DENND1B: variants seen among roughly 807,000 people sequenced by gnomAD.
DENND1B encodes DENN domain-containing protein 1B.
Under a neutral mutation model 90.1 loss-of-function variants are expected in DENND1B, and 59 were observed. That is an observed-to-expected ratio of 0.65 (90% CI 0.53 to 0.81). The LOEUF is 0.81. DENND1B is among the 40% of genes least tolerant of loss of function. DENND1B has a pLI of 0.00. For synonymous variants in DENND1B, 337 were observed against 324.6 expected, an observed-to-expected ratio of 1.04 and a Z score of -0.41; for missense variants, 862 against 912.6, an observed-to-expected ratio of 0.94 and a Z score of 0.71.
intron 14 of DENND1B, among the ~76,000 whole-genome samples, chr1:197,594,028 A>T (rs527691230): frequency 6.6e-6 from 1 of 152,156 alleles, no homozygotes; most frequent in African/African-American, 2.4e-5. Flanking sequence ...ATAACTATGA[A>T]CAACTTTTTA....
In DENND1B at chr1:197,512,939, C is replaced by T; in HGVS notation, c.1530G>A (p.Arg510=). The part of the protein sequence containing the change: ...KRKLAQARLK[R]PLKSLDGALY... ...GAGCACCATCAAGGCTCTTAAGAGG[C>T]CTTTTTAAGCGTGCCTGGAGAGAGA... Residue 510 remains arginine, a synonymous_variant, in exon 21 of 23, where the codon AGG becomes AGA. Coordinates refer to ENST00000620048, the MANE Select transcript of DENND1B (RefSeq NM_001195215.2). The T allele has an allele frequency of 1.2e-6, 2 of 1,609,534 alleles. No individual in the cohort carries two copies. Among genetic ancestry groups the T allele is most frequent in the Non-Finnish European group, 1.7e-6 (2 of 1,177,532 alleles).
chr1:197,541,131 G>T, intron 18 of DENND1B, 116 bp from the exon 19 acceptor site: 1 of 937,432 alleles, frequency 1.1e-6, no homozygotes, highest in Non-Finnish European at 1.6e-6. Context: ...TTTAGAAAAA[G>T]AACAGATTAT....
At chr1:197,547,354 T>C (rs1156723048) in intron 16 of DENND1B, among the ~76,000 whole-genome samples, 1 of 152,120 alleles carries the variant, frequency 6.6e-6, no homozygotes, top group Non-Finnish European at 1.5e-5. Context: ...CTCTACTCTG[T>C]GGCTGTGGAT....
At chr1:197,646,048 T>A (rs1029005514) in intron 8 of DENND1B, among the ~76,000 whole-genome samples, 3 of 151,868 alleles carry the variant, frequency 2.0e-5, no homozygotes, top group Admixed American at 2.0e-4. Context: ...ATTTTGTACA[T>A]ATATACATAT....
At chr1:197,691,906 T>C (rs768308119) in intron 3 of DENND1B, among the ~76,000 whole-genome samples, 16 of 151,746 alleles carry the variant, frequency 1.1e-4, no homozygotes, top group Non-Finnish European at 1.9e-4. Flanking sequence ...ACATCAAAAA[T>C]AGTCAAACTC....
intron 12 of DENND1B, among the ~76,000 whole-genome samples, chr1:197,609,030 A>T (rs1307383096): frequency 1.3e-5 from 2 of 150,420 alleles, no homozygotes; most frequent in Non-Finnish European, 3.0e-5. Flanking sequence ...TTCCCTCCAA[A>T]TTAGACTTCA....
intron 5 of DENND1B, among the ~76,000 whole-genome samples, chr1:197,662,165 T>C (rs1347841421): frequency 6.6e-6 from 1 of 152,082 alleles, no homozygotes; most frequent in Non-Finnish European, 1.5e-5. Flanking sequence ...TATGGGATAT[T>C]TCTCATAGTC....
At chr1:197,770,536 T>C (rs1485272642) in intron 2 of DENND1B, among the ~76,000 whole-genome samples, 6 of 151,266 alleles carry the variant, frequency 4.0e-5, no homozygotes, top group Non-Finnish European at 7.4e-5. Context: ...ACAAGATCAC[T>C]TTAATACACA....
chr1:197,705,439 G>A (rs144977954), intron 3 of DENND1B, among the ~76,000 whole-genome samples: 3 of 152,050 alleles, frequency 2.0e-5, no homozygotes, highest in African/African-American at 4.8e-5. Flanking sequence ...ATGGTTAAGC[G>A]CTTCTGTATT....
At chr1:197,781,818 A>G in the DENND1B span, among the ~76,000 whole-genome samples, 3 of 152,210 alleles carry the variant, frequency 2.0e-5, no homozygotes, top group Non-Finnish European at 4.4e-5. Flanking sequence ...AAATCTGAAC[A>G]TATCCAAATA....
chr1:197,607,652 G>A (rs1269579362), intron 12 of DENND1B, among the ~76,000 whole-genome samples: 1 of 150,588 alleles, frequency 6.6e-6, no homozygotes, highest in African/African-American at 2.4e-5. Context: ...GGTATATGTT[G>A]GTGATGAGGA....
intron 10 of DENND1B, among the ~76,000 whole-genome samples, chr1:197,632,660 C>T (rs1679432663): frequency 6.6e-6 from 1 of 152,178 alleles, no homozygotes; most frequent in Non-Finnish European, 1.5e-5. Flanking sequence ...GGAAACTCTA[C>T]TCATGCCAAA....
At chr1:197,749,341 C>T (rs1370021381) in intron 2 of DENND1B, among the ~76,000 whole-genome samples, 1 of 151,738 alleles carries the variant, frequency 6.6e-6, no homozygotes, top group Non-Finnish European at 1.5e-5. Flanking sequence ...AAAACTAAAC[C>T]TAGCACATAA....
In DENND1B at chr1:197,595,356, T is replaced by G. The variant is rs1251520053; in HGVS notation, c.922-23A>C. On this transcript the variant is annotated intron_variant, in intron 13 of 22. Transcript: ENST00000620048. The stretch of plus-strand genomic sequence containing the variant: ...GACCTGCATGACAGAGAGGAACAGT[T>G]AAATTAACACCTCAGAAATTGGTAC... The G allele has an allele frequency of 1.9e-6, 3 of 1,609,520 alleles. No homozygotes were observed. In the African/African-American group the frequency reaches 4.0e-5, roughly 22 times the overall value.
chr1:197,589,749 T>C (rs999067062), intron 14 of DENND1B, among the ~76,000 whole-genome samples: 9 of 152,188 alleles, frequency 5.9e-5, no homozygotes, highest in Non-Finnish European at 2.9e-5. Context: ...GAGGACCGGA[T>C]TACTAACCAA....
intron 3 of DENND1B, among the ~76,000 whole-genome samples, chr1:197,681,316 C>T (rs1442830486): frequency 5.3e-5 from 8 of 152,032 alleles, no homozygotes; most frequent in African/African-American, 9.7e-5. Context: ...CAAAGTTATC[C>T]GATGTACATA....
At chr1:197,723,411 T>C (rs1156682459) in intron 2 of DENND1B, among the ~76,000 whole-genome samples, 2 of 152,110 alleles carry the variant, frequency 1.3e-5, no homozygotes, top group Admixed American at 6.6e-5. Flanking sequence ...TGAGGGGCCA[T>C]CTGTCCCAAG....
chr1:197,770,665 T>C (rs930748451), intron 2 of DENND1B, among the ~76,000 whole-genome samples: 204 of 144,224 alleles, frequency 1.4e-3, no homozygotes, highest in African/African-American at 4.9e-3. Context: ...TCTATAAATA[T>C]ATATCTATAA....
At chr1:197,596,515 C>G (rs1051384108) in intron 13 of DENND1B, among the ~76,000 whole-genome samples, 1 of 151,928 alleles carries the variant, frequency 6.6e-6, no homozygotes, top group Admixed American at 6.6e-5. Flanking sequence ...GGAAAGAATG[C>G]TCACTTAACA....
Sources: gnomAD v4.1 joint callset for allele counts (sites outside exome capture counted in the v4.1 genomes callset) on GRCh38, gnomAD v4.1.1 for gene constraint, MANE v1.5 for transcripts, NCBI Gene and HGNC (gene_info 2026-07-23, HGNC 2026-07-21) for gene names.